ASCC3: variants seen among roughly 807,000 people sequenced by gnomAD.
ASCC3 encodes the protein ASC-1 complex subunit P200.
Under a neutral mutation model 256.3 loss-of-function variants are expected in ASCC3, and 158 were observed. The observed-to-expected ratio is 0.62, with a 90% CI of 0.54 to 0.70. The LOEUF is 0.70. ASCC3 is among the 30% of genes least tolerant of loss of function. The pLI is 0.00. For missense variants in ASCC3, 2,259 were observed against 2,626.0 expected, an observed-to-expected ratio of 0.86 and a Z score of 3.05; for synonymous variants, 948 against 883.4, an observed-to-expected ratio of 1.07 and a Z score of -1.30.
rs980542465 is a variant in ASCC3, at chr6:100,646,691, G to A, written c.3557C>T (p.Ala1186Val). Reference protein sequence around the residue: ...VHQIPSVMMEASIQPITRTVL... With the variant: ...VHQIPSVMMEVSIQPITRTVL... ...AGTCCTTGTGATAGGCTGAATGGATGCTTCCATCATAACAGAAGGAATCTG... is the reference window on the plus strand; with the variant it reads ...AGTCCTTGTGATAGGCTGAATGGATACTTCCATCATAACAGAAGGAATCTG... The change falls in exon 22 of 42, where the codon GCA (alanine) becomes GTA (valine). Residue 1186 changes from alanine (A) to valine (V), a missense_variant. Coordinates refer to ENST00000369162, the MANE Select transcript of ASCC3 (RefSeq NM_006828.4). The A allele has an allele frequency of 9.9e-6, 16 of 1,613,400 alleles. No homozygotes were observed. The Admixed American group carries it at 1.8e-4, about 18-fold the overall frequency.
intron 4 of ASCC3, among the ~76,000 whole-genome samples, chr6:100,846,281 T>A (rs543964202): frequency 6.6e-6 from 1 of 152,274 alleles, no homozygotes; most frequent in Admixed American, 6.5e-5. Flanking sequence ...CAACAGAATA[T>A]AACATATAAC....
chr6:100,580,968 A>C (rs1406562105), intron 36 of ASCC3, among the ~76,000 whole-genome samples: 2 of 151,910 alleles, frequency 1.3e-5, no homozygotes, highest in Admixed American at 6.5e-5. Context: ...CATTTTCTTA[A>C]TCCAGTCTAT....
intron 36 of ASCC3, among the ~76,000 whole-genome samples, chr6:100,569,393 T>C (rs773347032): frequency 8.6e-5 from 13 of 151,924 alleles, no homozygotes; most frequent in Non-Finnish European, 1.8e-4. Context: ...ATTATTGTTA[T>C]TTTTTTGAGA....
intron 10 of ASCC3, among the ~76,000 whole-genome samples, chr6:100,735,320 G>A (rs551038030): frequency 6.6e-6 from 1 of 152,272 alleles, no homozygotes; most frequent in Middle Eastern, 3.4e-3. Context: ...CTATTTGCAA[G>A]GTTGAGAGCT....
intron 25 of ASCC3, among the ~76,000 whole-genome samples, chr6:100,633,861 G>A: frequency 6.9e-6 from 1 of 144,400 alleles, no homozygotes. Flanking sequence ...TGGGCAACGA[G>A]AGCAAAACTC....
At position 100,858,663 on chromosome 6, in the gene ASCC3, T is replaced by C. The variant is rs138727983; in HGVS notation, c.241+5401A>G. 105 of 1,006,884 alleles carry C rather than the reference T, an allele frequency of 1.0e-4. No homozygotes were observed. The African/African-American group carries it at 1.7e-3, about 17-fold the overall frequency. 62.4% of individuals were successfully genotyped at this position (1,006,884 alleles called of 1,614,324 possible). A position where few individuals can be genotyped will look rare whatever the true frequency, so the allele number is the denominator to read the frequency against. ...AACACTTGATCACACACACACATCA[T>C]GTGTATTTCTTTTGCTGACACATTT... On this transcript the variant is annotated intron_variant, in intron 3 of 41. Transcript: ENST00000369162.
chr6:100,752,034 T>C (rs1452055668), intron 10 of ASCC3, among the ~76,000 whole-genome samples: 3 of 152,158 alleles, frequency 2.0e-5, no homozygotes, highest in African/African-American at 7.2e-5. Context: ...TTCTTTTTTA[T>C]AGGAGTCCTT....
At chr6:100,696,134 T>C (rs1778070918) in intron 13 of ASCC3, among the ~76,000 whole-genome samples, 1 of 152,182 alleles carries the variant, frequency 6.6e-6, no homozygotes, top group Non-Finnish European at 1.5e-5. Context: ...GGAGATGAGA[T>C]CTAAGACTAT....
Position 100,864,137 on chromosome 6 carries a change from T to A in ASCC3, c.168A>T (p.Glu56Asp). Residue 56 changes from glutamate to aspartate, a missense_variant, in exon 3 of 42, where the codon GAA (glutamate) becomes GAT (aspartate). By Grantham distance (45) the Glu-to-Asp change is conservative (BLOSUM62 2). Transcript: ENST00000369162. ...TWKKIIKFLN[E>D]KLEKSKMQSI... ...TTTGCATTTTACTCTTCTCCAGTTT[T>A]TCATTCAAAAATTTTATTATCTTCT... is the stretch of plus-strand genomic sequence containing the variant. 6.2e-7 allele frequency: 1 copy of A among 1,607,934 alleles called. No homozygotes were observed. Among genetic ancestry groups the A allele is most frequent in the Non-Finnish European group, 8.5e-7 (1 of 1,176,044 alleles).
chr6:100,781,039 T>A (rs1030352613), intron 8 of ASCC3, among the ~76,000 whole-genome samples: 1 of 152,192 alleles, frequency 6.6e-6, no homozygotes, highest in African/African-American at 2.4e-5. Context: ...TTCAACTTCA[T>A]CTCTCTAATT....
chr6:100,733,508 G>A (rs370254550), intron 10 of ASCC3, among the ~76,000 whole-genome samples: 60 of 152,158 alleles, frequency 3.9e-4, no homozygotes, highest in Admixed American at 1.5e-3. Context: ...TTTGCTTTCC[G>A]CCACTTAGCT....
chr6:100,813,452 C>A, intron 4 of ASCC3, among the ~76,000 whole-genome samples: 1 of 151,112 alleles, frequency 6.6e-6, no homozygotes, highest in East Asian at 2.0e-4. Context: ...AGTGAAACTC[C>A]ATCTCAAAAA....
intron 1 of ASCC3, among the ~76,000 whole-genome samples, chr6:100,874,494 T>C (rs965806091): frequency 6.1e-5 from 9 of 146,964 alleles, no homozygotes; most frequent in African/African-American, 2.3e-4. Flanking sequence ...AAACAACTCA[T>C]TGTATTTTGT....
rs1303863285 is a variant in ASCC3 at position 100,789,154 on chromosome 6, G to T, written c.1395+9559C>A. On this transcript the variant is annotated intron_variant, in intron 8 of 41. Transcript: ENST00000369162. ...GAGGGAGGGCAGAGGAAAGAATTTG[G>T]TGGGGAGGCCATTTATATATATGAT... is the stretch of plus-strand genomic sequence containing the variant. Among the ~76,000 whole-genome samples the T allele has an allele frequency of 5.9e-5, 9 of 151,992 alleles. No homozygotes were observed. The East Asian group carries it at 1.5e-3, about 26-fold the overall frequency.
intron 13 of ASCC3, among the ~76,000 whole-genome samples, chr6:100,709,490 C>A (rs755644953): frequency 6.6e-6 from 1 of 152,100 alleles, no homozygotes; most frequent in African/African-American, 2.4e-5. Flanking sequence ...GCTTAACATG[C>A]CTTAGGTTCA....
At chr6:100,613,718 G>A (rs570088321) in intron 30 of ASCC3, among the ~76,000 whole-genome samples, 21 of 152,072 alleles carry the variant, frequency 1.4e-4, no homozygotes, top group Non-Finnish European at 2.4e-4. Context: ...TGGGTGGAAC[G>A]GTAATTCTAT....
chr6:100,537,454 A>G (rs1775215388), intron 37 of ASCC3, among the ~76,000 whole-genome samples: 2 of 152,164 alleles, frequency 1.3e-5, no homozygotes, highest in Non-Finnish European at 2.9e-5. Flanking sequence ...TGGTACAGAG[A>G]GAGAAAGGGC....
At chr6:100,569,695 A>G (rs1770486185) in intron 36 of ASCC3, among the ~76,000 whole-genome samples, 3 of 152,062 alleles carry the variant, frequency 2.0e-5, no homozygotes, top group Admixed American at 1.3e-4. Context: ...ACCTTTTAAT[A>G]TAGTTTGAAG....
At chr6:100,543,769 T>A (rs572681128) in intron 36 of ASCC3, among the ~76,000 whole-genome samples, 1 of 152,138 alleles carries the variant, frequency 6.6e-6, no homozygotes, top group Admixed American at 6.5e-5. Context: ...TTGCTGAAGA[T>A]TTCAATACCT....
Sources: allele counts gnomAD v4.1 joint callset (sites outside exome capture counted in the v4.1 genomes callset), GRCh38; gene constraint gnomAD v4.1.1; transcripts MANE v1.5; gene names NCBI Gene and HGNC (gene_info 2026-07-23, HGNC 2026-07-21).